RPF2: variants seen among roughly 807,000 people sequenced by gnomAD.
RPF2 encodes the protein ribosome production factor 2 homolog.
RPF2 carries 21 observed loss-of-function variants against 38.9 expected under a neutral mutation model. The ratio of observed to expected loss-of-function variants is 0.54; its 90% CI spans 0.38 to 0.78. RPF2 has a LOEUF of 0.78. Ranked by LOEUF, RPF2 falls within the 30% of genes least tolerant of loss-of-function variation. The pLI, the probability that RPF2 is intolerant of heterozygous loss-of-function variation, is 0.00. For missense variants in RPF2, 314 were observed against 358.1 expected, an observed-to-expected ratio of 0.88 and a Z score of 0.99; for synonymous variants, 121 against 126.2, an observed-to-expected ratio of 0.96 and a Z score of 0.28.
chr6:111,015,663 T>C, intron 7 of RPF2, 91 bp from the exon 8 acceptor site: 1 of 865,010 alleles, frequency 1.2e-6, no homozygotes, highest in South Asian at 1.5e-5. Context: ...TAGATAAGTA[T>C]TGGAGCAAAA....
chr6:111,018,182 C>T (rs539827611), intron 8 of RPF2, among the ~76,000 whole-genome samples: 1 of 123,238 alleles, frequency 8.1e-6, no homozygotes, highest in South Asian at 2.9e-4. Context: ...AGCTTCGGCT[C>T]GGCATCAGGG....
intron 3 of RPF2, among the ~76,000 whole-genome samples, chr6:110,990,623 C>T (rs920521894): frequency 7.5e-6 from 1 of 132,758 alleles, no homozygotes; most frequent in African/African-American, 2.7e-5. Context: ...CTCACTCTTT[C>T]ACCCAGCCTG....
intron 2 of RPF2, among the ~76,000 whole-genome samples, chr6:110,987,440 A>G (rs927704255): frequency 6.6e-6 from 1 of 152,224 alleles, no homozygotes; most frequent in Non-Finnish European, 1.5e-5. Flanking sequence ...ATATAGGCCC[A>G]TCCCTTTTTT....
At chr6:111,014,370 GA>G (rs1772071086) in intron 7 of RPF2, among the ~76,000 whole-genome samples, 1 of 152,098 alleles carries the variant, frequency 6.6e-6, no homozygotes, top group African/African-American at 2.4e-5. Flanking sequence ...CTGACCTCAT[GA>G]TCTGCTCGCC....
Position 111,003,961 on chromosome 6 carries a change from C to T in RPF2, c.394-4077C>T, listed in dbSNP as rs528348958. Among the ~76,000 whole-genome samples the T allele has an allele frequency of 8.6e-5, 13 of 151,418 alleles. No individual in the cohort carries two copies. In the South Asian group the frequency reaches 2.1e-3, roughly 24 times the overall value. On this transcript the variant is annotated intron_variant, in intron 6 of 9. Transcript: ENST00000441448. The stretch of plus-strand genomic sequence containing the variant: ...CCGAGTAGCTGGGATTACAGGTGTG[C>T]GCCACCACACCCAGCTAATTTTTGT...
chr6:111,015,839 T>G lies in RPF2; in HGVS notation c.579T>G (p.Ile193Met). 1 of 1,609,118 alleles carries G rather than the reference T, an allele frequency of 6.2e-7. No homozygotes were observed. The highest frequency in any genetic ancestry group is 8.5e-7 in the Non-Finnish European group (1 of 1,175,410). ...ACTTCACTGCACTGAATGGGAAGAT[T>G]TACTTTCGAAGCTATAAGTAAGTGC... is the stretch of plus-strand genomic sequence containing the variant. ...VLHFTALNGK[I>M]YFRSYKLLLK... Residue 193 changes from isoleucine to methionine, a missense_variant, in exon 8 of 10, where the codon ATT becomes ATG. Transcript: ENST00000441448.
At chr6:111,006,778 TAA>T (rs1771915917) in intron 6 of RPF2, among the ~76,000 whole-genome samples, 1 of 152,100 alleles carries the variant, frequency 6.6e-6, no homozygotes, top group African/African-American at 2.4e-5. Flanking sequence ...AGCTAATTTT[TAA>T]AAGTTTTTTT....
At chr6:111,017,343 C>T (rs551546718) in intron 8 of RPF2, among the ~76,000 whole-genome samples, 140 of 150,350 alleles carry the variant, frequency 9.3e-4, no homozygotes, top group African/African-American at 3.0e-3. Flanking sequence ...GGCGGCTGGC[C>T]GGGCGGGGGC....
At chr6:111,007,206 T>C (rs555883372) in intron 6 of RPF2, among the ~76,000 whole-genome samples, 1 of 152,332 alleles carries the variant, frequency 6.6e-6, no homozygotes, top group South Asian at 2.1e-4. Flanking sequence ...GATTCAGGGT[T>C]GCTGGCCATC....
intron 8 of RPF2, among the ~76,000 whole-genome samples, chr6:111,018,886 A>C (rs1394087425): frequency 1.3e-5 from 2 of 152,200 alleles, no homozygotes; most frequent in African/African-American, 4.8e-5. Flanking sequence ...TGTTATTTAG[A>C]GAACAAGAAA....
At chr6:111,017,711 C>T (rs1174060631) in intron 8 of RPF2, among the ~76,000 whole-genome samples, 5 of 144,006 alleles carry the variant, frequency 3.5e-5, no homozygotes, top group African/African-American at 5.4e-5. Context: ...CGGGAAGAGG[C>T]GCTCCTCACT....
chr6:110,989,109 C>G (rs766301501), intron 3 of RPF2, 44 bp downstream of exon 3: 1 of 1,471,130 alleles, frequency 6.8e-7, no homozygotes, highest in Non-Finnish European at 9.0e-7. Context: ...GATTTTGTTT[C>G]ATTATAAAAG....
chr6:110,985,641 T>TA (rs979281727), intron 2 of RPF2, among the ~76,000 whole-genome samples: 18 of 151,990 alleles, frequency 1.2e-4, no homozygotes, highest in Admixed American at 1.2e-3. Flanking sequence ...GGGAAACAGT[T>TA]AAAATCACAT....
At chr6:111,009,160 G>A (rs539201930) in intron 7 of RPF2, among the ~76,000 whole-genome samples, 9 of 151,856 alleles carry the variant, frequency 5.9e-5, no homozygotes, top group South Asian at 4.2e-4. Flanking sequence ...GGTTCACACC[G>A]TTCTCCTTCC....
chr6:110,994,278 TA>T (rs5879084), intron 4 of RPF2, among the ~76,000 whole-genome samples: 43,184 of 135,044 alleles, frequency 0.32, 6,918 homozygotes, highest in East Asian at 0.67. Context: ...TCCATCTCAA[TA>T]AAAAAAAAAA....
At chr6:111,015,577 A>G (rs555401825) in intron 7 of RPF2, among the ~76,000 whole-genome samples, 177 bp from the exon 8 acceptor site, 9 of 152,370 alleles carry the variant, frequency 5.9e-5, no homozygotes, top group Admixed American at 5.2e-4. Flanking sequence ...CAAAATACCA[A>G]AATAAAGTCA....
chr6:111,014,324 G>C (rs141955755), intron 7 of RPF2, among the ~76,000 whole-genome samples: 72 of 152,136 alleles, frequency 4.7e-4, no homozygotes, highest in African/African-American at 1.7e-3. Context: ...AGTAGAGATA[G>C]GGTTTCACTG....
At chr6:111,002,496 C>T (rs1250382211) in intron 6 of RPF2, among the ~76,000 whole-genome samples, 1 of 151,934 alleles carries the variant, frequency 6.6e-6, no homozygotes, top group African/African-American at 2.4e-5. Flanking sequence ...TGCCACCATG[C>T]CCAGCCACAT....
At chr6:110,987,437 C>T (rs147273553) in intron 2 of RPF2, among the ~76,000 whole-genome samples, 113 of 152,274 alleles carry the variant, frequency 7.4e-4, no homozygotes, top group Admixed American at 6.9e-3. Flanking sequence ...CTTATATAGG[C>T]CCATCCCTTT....
Sources: gnomAD v4.1 joint callset for allele counts (sites outside exome capture counted in the v4.1 genomes callset) on GRCh38, gnomAD v4.1.1 for gene constraint, MANE v1.5 for transcripts, NCBI Gene and HGNC (gene_info 2026-07-23, HGNC 2026-07-21) for gene names.